The following KDM5A variants were observed in gnomAD, a reference collection of about 807,000 sequenced individuals.
KDM5A encodes lysine-specific demethylase 5A.
Under a neutral mutation model 193.5 loss-of-function variants are expected in KDM5A, and 42 were observed. That is an observed-to-expected ratio of 0.22 (90% confidence interval 0.17 to 0.28). KDM5A has a LOEUF of 0.28. Among genes scored for constraint, KDM5A ranks in the 10% least tolerant of loss-of-function variants. The probability of loss-of-function intolerance (pLI) is 1.00; values close to 1 mark genes in which losing one functional copy is unlikely to be tolerated. For missense variants in KDM5A, 1,692 were observed against 2,055.1 expected, an observed-to-expected ratio of 0.82 and a Z score of 3.42; for synonymous variants, 796 against 718.1, an observed-to-expected ratio of 1.11 and a Z score of -1.73.
chr12:292,680 C>G, intron 27 of KDM5A, 79 bp downstream of exon 27: 1 of 1,567,178 alleles, frequency 6.4e-7, no homozygotes, highest in Non-Finnish European at 8.8e-7. Flanking sequence ...AAACATACTA[C>G]ACATTGATAT....
rs200804533 is a variant in KDM5A at position 309,834 on chromosome 12, C to T, written c.3347G>A (p.Gly1116Glu). The change falls in exon 22 of 28, where the codon GGA (glycine) becomes GAA (glutamate). Residue 1116 changes from glycine to glutamate, a missense_variant. By Grantham distance (98) the Gly-to-Glu change is moderately conservative (BLOSUM62 -2). Transcript: ENST00000399788. ...GGCTGTATCTCTGGTTTCCTCCAAT[C>T]CTTCCTCCAGATCACTCAGAGGCTC... ...DLEPLSDLEE[G>E]LEETRDTAMV... is the part of the protein sequence containing the mutation. The T allele has an allele frequency of 3.3e-4, 525 of 1,614,114 alleles. 2 individuals are homozygous for T. The Middle Eastern group carries it at 3.6e-3, about 11-fold the overall frequency.
chr12:291,320 T>C (rs1943291149), intron 27 of KDM5A, among the ~76,000 whole-genome samples: 1 of 152,224 alleles, frequency 6.6e-6, no homozygotes, highest in South Asian at 2.1e-4. Context: ...ATACCCCTAA[T>C]ACATCTCATT....
At position 358,647 on chromosome 12, in the gene KDM5A, C is replaced by G. The variant is rs35636404; in HGVS notation, c.673-2110G>C. Among the ~76,000 whole-genome samples the G allele has an allele frequency of 7.5e-3, 1,135 of 152,200 alleles. 9 individuals carry two copies. Among genetic ancestry groups the G allele is most frequent in the African/African-American group, 0.025 (1,048 of 41,536 alleles). ...CTCAAAATAACAAAATTAAAAAGGA[C>G]CTTCCACCTGAACATTTTAACTCTC... On this transcript the variant is annotated intron_variant, in intron 5 of 27. Coordinates refer to ENST00000399788, the MANE Select transcript of KDM5A (RefSeq NM_001042603.3).
At chr12:322,326 A>C (rs1943727568) in intron 17 of KDM5A, 91 bp downstream of exon 17, 1 of 1,164,452 alleles carries the variant, frequency 8.6e-7, no homozygotes, top group African/African-American at 1.5e-5. Flanking sequence ...GGTCAAAGAT[A>C]ATGTACGGCT....
At position 358,849 on chromosome 12, in the gene KDM5A, A is replaced by G. The variant is rs140796421; in HGVS notation, c.673-2312T>C. On this transcript the variant is annotated intron_variant, in intron 5 of 27. Transcript: ENST00000399788. ...TAGCCACACATGGTGGCAGGTGCCT[A>G]TAACCCCAGCTACTCACAAGGCTGA... is the stretch of plus-strand genomic sequence containing the variant. 7.4e-3 allele frequency among the ~76,000 whole-genome samples: 1,121 copies of G among 152,082 alleles called. 8 individuals carry two copies. The highest frequency in any genetic ancestry group is 0.012 in the Non-Finnish European group (848 of 67,954).
chr12:356,126 G>A (rs2137457590), intron 6 of KDM5A, among the ~76,000 whole-genome samples: 1 of 152,310 alleles, frequency 6.6e-6, no homozygotes, highest in South Asian at 2.1e-4. Flanking sequence ...CACGAGGTAA[G>A]AACCATTAAT....
At chr12:360,427 G>A (rs1325552553) in intron 5 of KDM5A, among the ~76,000 whole-genome samples, 1 of 151,986 alleles carries the variant, frequency 6.6e-6, no homozygotes, top group East Asian at 1.9e-4. Context: ...ACTAAGGAGT[G>A]GTCAGAATAT....
intron 3 of KDM5A, 55 bp downstream of exon 3, chr12:383,976 A>C: frequency 1.9e-6 from 3 of 1,565,288 alleles, no homozygotes; most frequent in South Asian, 2.2e-5. Context: ...AATCTATTTG[A>C]TATTCCTAAA....
intron 1 of KDM5A, 50 bp from the exon 2 acceptor site, chr12:386,024 A>C (rs1944633733): frequency 7.1e-7 from 1 of 1,409,684 alleles, no homozygotes; most frequent in Admixed American, 1.7e-5. Context: ...TAAACAAGGA[A>C]TGCATTAATT....
In KDM5A at chr12:323,658, C is replaced by T. The variant is rs1392559809; in HGVS notation, c.2092G>A (p.Val698Ile). ...AGATCAGTTGGATGGTAGAGACATACAAGCCGCTCAGGATTACAGGAACAT... is the reference window on the plus strand; with the variant it reads ...AGATCAGTTGGATGGTAGAGACATATAAGCCGCTCAGGATTACAGGAACAT... ...LTCSCNPERL[V>I]CLYHPTDLCP... Residue 698 changes from valine to isoleucine, a missense_variant, in exon 15 of 28, where the codon GTA (valine) becomes ATA (isoleucine). By Grantham distance (29) the Val-to-Ile change is conservative. This residue lies in a region of KDM5A where 88 missense variants were observed against 124.6 expected (regional missense o/e 0.71). Transcript: ENST00000399788. The T allele has an allele frequency of 6.2e-7, 1 of 1,614,146 alleles. No homozygotes were observed. The highest frequency in any genetic ancestry group is 8.5e-7 in the Non-Finnish European group (1 of 1,180,008).
At chr12:297,343 G>A in intron 24 of KDM5A, 143 bp from the exon 25 acceptor site, 3 of 771,596 alleles carry the variant, frequency 3.9e-6, no homozygotes, top group Non-Finnish European at 6.4e-6. Context: ...TGTTAAATAA[G>A]ATAGAAAATG....
At chr12:310,425 G>A (rs1251367982) in intron 21 of KDM5A, among the ~76,000 whole-genome samples, 1 of 152,158 alleles carries the variant, frequency 6.6e-6, no homozygotes, top group African/African-American at 2.4e-5. Context: ...GAGCTCAAAG[G>A]AGTTCAAGAC....
intron 24 of KDM5A, among the ~76,000 whole-genome samples, chr12:305,915 TATCTAGCACC>T (rs1565527928): frequency 6.6e-6 from 1 of 151,672 alleles, no homozygotes; most frequent in Non-Finnish European, 1.5e-5. Context: ...TGTGACATTC[TATCTAGCACC>T]ATCCAGACGA....
intron 27 of KDM5A, among the ~76,000 whole-genome samples, chr12:289,916 T>C (rs1046684091): frequency 2.0e-5 from 3 of 147,402 alleles, no homozygotes; most frequent in Non-Finnish European, 4.5e-5. Context: ...TCTTTTTTTT[T>C]TTTTTTTTTT....
At chr12:287,557 G>A (rs1943235476) in intron 27 of KDM5A, among the ~76,000 whole-genome samples, 1 of 151,694 alleles carries the variant, frequency 6.6e-6, no homozygotes, top group Non-Finnish European at 1.5e-5. Flanking sequence ...TTAAAGTACT[G>A]CAAGCAGTAA....
intron 20 of KDM5A, among the ~76,000 whole-genome samples, chr12:312,664 C>T (rs1195121818): frequency 1.3e-5 from 2 of 152,118 alleles, no homozygotes; most frequent in African/African-American, 4.8e-5. Flanking sequence ...TATGTCCCGT[C>T]GTAAGGTGAA....
At chr12:334,539 A>G in intron 10 of KDM5A, 117 bp from the exon 11 acceptor site, 1 of 735,718 alleles carries the variant, frequency 1.4e-6, no homozygotes, top group South Asian at 1.5e-5. Context: ...TCTAGTGCAT[A>G]CAATCTGTGC....
At chr12:308,036 G>C in intron 22 of KDM5A, 31 bp from the exon 23 acceptor site, 1 of 1,602,918 alleles carries the variant, frequency 6.2e-7, no homozygotes, top group Non-Finnish European at 8.5e-7. Context: ...ATTGAAAAGA[G>C]TCACTGCAAT....
chr12:371,959 T>C (rs1290872268), intron 3 of KDM5A, among the ~76,000 whole-genome samples: 2 of 152,218 alleles, frequency 1.3e-5, no homozygotes, highest in African/African-American at 4.8e-5. Flanking sequence ...TTGGTCTCTA[T>C]CTCTGTTTTG....
Sources: gnomAD v4.1 joint callset for allele counts (sites outside exome capture counted in the v4.1 genomes callset) on GRCh38, gnomAD v4.1.1 for gene constraint, gnomAD v4.1.1 regional missense constraint, MANE v1.5 for transcripts, NCBI Gene and HGNC (gene_info 2026-07-23, HGNC 2026-07-21) for gene names.